Variants in CYP26C1 observed in about 807,000 individuals in gnomAD.
CYP26C1 encodes the protein cytochrome P450 26C1.
A neutral mutation model predicts 39.1 loss-of-function variants in CYP26C1; 41 were observed. The ratio of observed to expected loss-of-function variants is 1.05; its 90% confidence interval spans 0.82 to 1.36. The LOEUF is 1.36. Among genes scored for constraint, CYP26C1 ranks in the 40% most tolerant of loss-of-function variants. The pLI, the probability that CYP26C1 is intolerant of heterozygous loss-of-function variation, is 0.00. For missense variants in CYP26C1, 833 were observed against 752.0 expected (o/e 1.11, Z -1.26); for synonymous variants, 362 against 350.8 (o/e 1.03, Z -0.36).
chr10:93,061,880 T>G, intron 1 of CYP26C1, 130 bp from the exon 2 acceptor site: 1 of 869,288 alleles, frequency 1.2e-6, no homozygotes, highest in Non-Finnish European at 1.8e-6. Context: ...CCAGGCCCAC[T>G]GGGGATCTTG....
chr10:93,064,208 A>G (rs191211091), intron 3 of CYP26C1, 173 bp from the exon 4 acceptor site: 1 of 1,412,610 alleles, frequency 7.1e-7, no homozygotes, highest in Non-Finnish European at 9.2e-7. Context: ...GACAGTGGAC[A>G]TATCCCCGAC....
chr10:93,065,151 G>A (rs781230690), intron 4 of CYP26C1, among the ~76,000 whole-genome samples: 27 of 152,140 alleles, frequency 1.8e-4, no homozygotes, highest in Non-Finnish European at 3.2e-4. Context: ...AAAAGGAGTG[G>A]AGAAGTTAGG....
In CYP26C1 at chr10:93,061,122, A is replaced by T; in HGVS notation, c.-142A>T. Reference sequence around the variant, plus strand: ...GTTTTTAGAACAGAGTTCTGGCCTGAGCTTATAAATCTCGGGCTTTGCCCC... The same window carrying T: ...GTTTTTAGAACAGAGTTCTGGCCTGTGCTTATAAATCTCGGGCTTTGCCCC... On this transcript the variant is annotated 5_prime_UTR_variant, in exon 1 of 6. Transcript: ENST00000651965. 1.2e-6 allele frequency: 1 copy of T among 822,454 alleles called. No homozygotes were observed. Among genetic ancestry groups the T allele is most frequent in the East Asian group, 2.7e-5 (1 of 36,726 alleles). The allele number at this position is 822,454 out of a possible 1,614,324, so 50.9% of individuals were successfully genotyped here. A position where few individuals can be genotyped will look rare whatever the true frequency, so the allele number is the denominator to read the frequency against.
intron 3 of CYP26C1, chr10:93,063,449 A>G (rs2134412305): frequency 1.0e-6 from 1 of 989,378 alleles, no homozygotes; most frequent in African/African-American, 1.7e-5. Context: ...CCCCGGACCC[A>G]GGGGTGTGGG....
In CYP26C1 at chr10:93,068,727, C is replaced by A. The variant is rs374265879; in HGVS notation, c.*30C>A. Reference sequence around the variant, plus strand: ...CTTGCGCTCTAGGACACGGCTTGGCCGGTGGCTATGGCGCGCACGCAGCGC... The same window carrying A: ...CTTGCGCTCTAGGACACGGCTTGGCAGGTGGCTATGGCGCGCACGCAGCGC... On this transcript the variant is annotated 3_prime_UTR_variant, in exon 6 of 6. Coordinates refer to ENST00000651965, the MANE Select transcript of CYP26C1 (RefSeq NM_183374.3). 6.8e-7 allele frequency: 1 copy of A among 1,479,596 alleles called. No individual in the cohort carries two copies. The highest frequency in any genetic ancestry group is 1.4e-5 in the South Asian group (1 of 69,914). The allele number at this position is 1,479,596 out of a possible 1,614,324, so 91.7% of individuals were successfully genotyped here.
At chr10:93,065,440 G>A (rs1017000179) in intron 4 of CYP26C1, among the ~76,000 whole-genome samples, 2 of 152,240 alleles carry the variant, frequency 1.3e-5, no homozygotes, top group African/African-American at 4.8e-5. Flanking sequence ...TGGCACTGCT[G>A]CTGCAGGTGC....
At position 93,066,116 on chromosome 10, in the gene CYP26C1, C is replaced by T; in HGVS notation, c.1022C>T (p.Ala341Val). 1 of 1,323,296 alleles carries T rather than the reference C, an allele frequency of 7.6e-7. No homozygotes were observed. Among genetic ancestry groups the T allele is most frequent in the Non-Finnish European group, 9.6e-7 (1 of 1,042,914 alleles). The allele number at this position is 1,323,296 out of a possible 1,614,324, so 82.0% of individuals were successfully genotyped here. ...CGCGCGTGCGGCTGCGCGCCCGGGG[C>T]CGCTGGGGGCAGCGAGGGGCCCCCG... Reference protein sequence around the residue: ...LGRACGCAPGAAGGSEGPPPD... With the variant: ...LGRACGCAPGVAGGSEGPPPD... The change falls in exon 5 of 6, where the codon GCC becomes GTC. Residue 341 changes from alanine to valine, a missense_variant. By Grantham distance (64) the Ala-to-Val change is moderately conservative. Coordinates refer to ENST00000651965, the MANE Select transcript of CYP26C1 (RefSeq NM_183374.3).
intron 3 of CYP26C1, chr10:93,063,387 A>T: frequency 9.9e-7 from 1 of 1,011,422 alleles, no homozygotes; most frequent in Non-Finnish European, 1.2e-6. Context: ...TGGCTGCGGA[A>T]CCGAGGAGAG....
chr10:93,068,281 G>A (rs1401752907), intron 5 of CYP26C1, 39 bp from the exon 6 acceptor site: 2 of 1,478,264 alleles, frequency 1.4e-6, no homozygotes, highest in East Asian at 2.5e-5. Flanking sequence ...CCGTTTCCAG[G>A]TGCCTCGTGG....
chr10:93,064,003 AG>A, intron 3 of CYP26C1: 1 of 1,021,004 alleles, frequency 9.8e-7, no homozygotes, highest in African/African-American at 1.7e-5. Flanking sequence ...CCCCAGCCTG[AG>A]CCTAGTACAG....
chr10:93,065,411 G>T (rs2134413769), intron 4 of CYP26C1, among the ~76,000 whole-genome samples: 1 of 152,376 alleles, frequency 6.6e-6, no homozygotes, highest in Middle Eastern at 3.4e-3. Context: ...AAGCCATGAT[G>T]CCGGCATTGG....
intron 2 of CYP26C1, 39 bp downstream of exon 2, chr10:93,062,273 C>A: frequency 1.3e-6 from 2 of 1,484,784 alleles, no homozygotes; most frequent in South Asian, 2.6e-5. Context: ...TACGTCGGAT[C>A]CGCGGTCCCC....
chr10:93,065,306 A>G (rs1846810249), intron 4 of CYP26C1, among the ~76,000 whole-genome samples: 1 of 152,232 alleles, frequency 6.6e-6, no homozygotes. Flanking sequence ...TGAGATTGGA[A>G]CTAATAAGAG....
chr10:93,061,355 A>G lies in CYP26C1; in HGVS notation c.92A>G (p.His31Arg), dbSNP rs1320385964. The G allele has an allele frequency of 6.3e-7, 1 of 1,581,968 alleles. No individual in the cohort carries two copies. The highest frequency in any genetic ancestry group is 8.6e-7 in the Non-Finnish European group (1 of 1,164,538). Residue 31 changes from histidine (H) to arginine (R), a missense_variant, in exon 1 of 6, where the codon CAC (histidine) becomes CGC (arginine). Transcript: ENST00000651965. ...GGCCTGCTGCTCAGCCTGGCCCAGC[A>G]CCTCTGGACCCTCCGCTGGATGCTG... is the stretch of plus-strand genomic sequence containing the variant. The part of the protein sequence containing the change: ...CAGLLLSLAQ[H>R]LWTLRWMLSR...
chr10:93,061,945 G>A, intron 1 of CYP26C1, 65 bp from the exon 2 acceptor site: 3 of 1,468,906 alleles, frequency 2.0e-6, no homozygotes, highest in Non-Finnish European at 2.8e-6. Context: ...GCAGCTGGAA[G>A]GTCTGGGTCA....
rs768174128 is a variant in CYP26C1 at position 93,064,522 on chromosome 10, A to G, written c.847A>G (p.Met283Val). Residue 283 changes from methionine to valine, a missense_variant, in exon 4 of 6, where the codon ATG (methionine) becomes GTG (valine). Met to Val is a conservative substitution (Grantham distance 21, BLOSUM62 1). Transcript: ENST00000651965. ...SARELGHEPSMQELKESAVEL... is the reference protein window; with the variant it reads ...SARELGHEPSVQELKESAVEL... ...AAGGGAGCTGGGCCATGAGCCCTCC[A>G]TGCAGGAGCTGAAGGTAGGTGCTGA... The G allele has an allele frequency of 7.4e-6, 12 of 1,613,176 alleles. No individual in the cohort carries two copies. The highest frequency in any genetic ancestry group is 1.6e-4 in the Middle Eastern group (1 of 6,074).
Position 93,068,787 on chromosome 10 carries a change from G to T in CYP26C1, c.*90G>T. 1.4e-6 allele frequency: 2 copies of T among 1,432,082 alleles called. No individual in the cohort carries two copies. The highest frequency in any genetic ancestry group is 9.2e-7 in the Non-Finnish European group (1 of 1,091,786). The allele number at this position is 1,432,082 out of a possible 1,614,324, so 88.7% of individuals were successfully genotyped here. A position where few individuals can be genotyped will look rare whatever the true frequency, so the allele number is the denominator to read the frequency against. On this transcript the variant is annotated 3_prime_UTR_variant, in exon 6 of 6. Coordinates refer to ENST00000651965, the MANE Select transcript of CYP26C1 (RefSeq NM_183374.3). ...GCCGCTCCCCATTGTAGCGTCGCGC[G>T]CCCACTCTTTCACTCGTTCAACAAT...
chr10:93,068,670 G>T lies in CYP26C1; in HGVS notation c.1542G>T (p.Ser514=), dbSNP rs1428006980. The change falls in exon 6 of 6, where the codon TCG becomes TCT. Residue 514 remains serine (S), a synonymous_variant. Coordinates refer to ENST00000651965, the MANE Select transcript of CYP26C1 (RefSeq NM_183374.3). ...LRLFFHPLTP[S]VAGNGLCL is the part of the protein sequence containing the mutation. The stretch of plus-strand genomic sequence containing the variant: ...TCTTTTTCCACCCCCTCACGCCTTC[G>T]GTTGCGGGGAATGGGCTATGCCTCT... 6.3e-7 allele frequency: 1 copy of T among 1,578,132 alleles called. No homozygotes were observed. Among genetic ancestry groups the T allele is most frequent in the South Asian group, 1.2e-5 (1 of 86,662 alleles).
chr10:93,066,428 C>T, intron 5 of CYP26C1, 143 bp downstream of exon 5: 1 of 773,492 alleles, frequency 1.3e-6, no homozygotes, highest in Non-Finnish European at 1.8e-6. Flanking sequence ...GCCCTCAGAG[C>T]CTCAGCCTTC....
Sources: gnomAD v4.1 joint callset for allele counts (sites outside exome capture counted in the v4.1 genomes callset) on GRCh38, gnomAD v4.1.1 for gene constraint, MANE v1.5 for transcripts, NCBI Gene and HGNC (gene_info 2026-07-23, HGNC 2026-07-21) for gene names.